CCDC40: variants seen among roughly 807,000 people sequenced by gnomAD.
CCDC40 encodes coiled-coil domain-containing protein 40.
In CCDC40, 104 loss-of-function variants were observed where a neutral mutation model predicts 124.5. The ratio of observed to expected loss-of-function variants is 0.84; its 90% confidence interval spans 0.71 to 0.98. CCDC40 has a LOEUF of 0.98. Ranked by LOEUF, CCDC40 falls within the 50% of genes least tolerant of loss-of-function variation. The pLI, the probability that CCDC40 is intolerant of heterozygous loss-of-function variation, is 0.00. For synonymous variants in CCDC40, 580 were observed against 602.9 expected (o/e 0.96, Z 0.56); for missense variants, 1,463 against 1,503.9 (o/e 0.97, Z 0.45).
chr17:80,052,605 A>G (rs891445075), intron 7 of CCDC40, among the ~76,000 whole-genome samples: 1 of 151,984 alleles, frequency 6.6e-6, no homozygotes, highest in South Asian at 2.1e-4. Flanking sequence ...TCACACCAAA[A>G]TGAGTTACCA....
intron 1 of CCDC40, among the ~76,000 whole-genome samples, chr17:80,037,199 G>A (rs1598470227): frequency 6.6e-6 from 1 of 152,152 alleles, no homozygotes; most frequent in Admixed American, 6.5e-5. Flanking sequence ...GCGATGGGAG[G>A]GGTCCCTGCG....
chr17:80,045,131 T>C (rs2037389433), intron 3 of CCDC40, among the ~76,000 whole-genome samples: 1 of 152,200 alleles, frequency 6.6e-6, no homozygotes, highest in Non-Finnish European at 1.5e-5. Flanking sequence ...CGTGAGACGG[T>C]GCATGGGCTG....
At chr17:80,085,019 C>T (rs373135418) in intron 13 of CCDC40, 31 bp downstream of exon 13, 44 of 1,610,470 alleles carry the variant, frequency 2.7e-5, no homozygotes, top group Admixed American at 5.0e-5. Flanking sequence ...ACGTGGTCCC[C>T]GGCTGACTGT....
chr17:80,040,286 T>C lies in CCDC40; in HGVS notation c.552+16T>C. The C allele has an allele frequency of 6.2e-7, 1 of 1,610,974 alleles. No homozygotes were observed. Among genetic ancestry groups the C allele is most frequent in the South Asian group, 1.1e-5 (1 of 90,702 alleles). ...GGGCAGATTGGTGAGTAGCCCTGAC[T>C]TCTGTTTTGTGCCAGTGTCGCACGG... is the stretch of plus-strand genomic sequence containing the variant. On this transcript the variant is annotated intron_variant, in intron 3 of 19. Coordinates refer to ENST00000397545, the MANE Select transcript of CCDC40 (RefSeq NM_017950.4).
chr17:80,037,720 T>TATATATATATATATATATATATATATATA (rs1555889200), intron 1 of CCDC40, among the ~76,000 whole-genome samples: 3 of 141,490 alleles, frequency 2.1e-5, no homozygotes, highest in East Asian at 2.1e-4. Context: ...TATATATATA[T>TATATATATATATATATATATATATATATA]TCCTGTGCTA....
chr17:80,039,864 G>A lies in CCDC40; in HGVS notation c.146G>A (p.Ser49Asn). The A allele has an allele frequency of 6.2e-7, 1 of 1,613,982 alleles. No individual in the cohort carries two copies. The highest frequency in any genetic ancestry group is 1.1e-5 in the South Asian group (1 of 91,080). ...CAGAAAGGTGAAGAAGCTGTCGGTA[G>A]CACAGAGCATCCTGAGGAAGTCACA... ...DGQKGEEAVG[S>N]TEHPEEVTTQ... is the part of the protein sequence containing the mutation. The change falls in exon 3 of 20, where the codon AGC (serine) becomes AAC (asparagine). Residue 49 changes from serine to asparagine, a missense_variant. Physicochemically the swap from Ser to Asn is conservative, Grantham distance 46. Transcript: ENST00000397545.
At chr17:80,048,859 A>T in intron 5 of CCDC40, 98 bp downstream of exon 5, 1 of 1,084,442 alleles carries the variant, frequency 9.2e-7, no homozygotes, top group Non-Finnish European at 1.4e-6. Flanking sequence ...CTGACCCTAA[A>T]TGCTGTACTT....
At position 80,087,867 on chromosome 17, in the gene CCDC40, T is replaced by G; in HGVS notation, c.2619+91T>G. 1 of 1,355,146 alleles carries G rather than the reference T, an allele frequency of 7.4e-7. No homozygotes were observed. The highest frequency in any genetic ancestry group is 1.7e-5 in the Admixed American group (1 of 59,660). The allele number at this position is 1,355,146 out of a possible 1,614,324, so 83.9% of individuals were successfully genotyped here. Reference sequence around the variant, plus strand: ...TGGGCGTTCTGCACCAGGATGTAATTTCCACACCCGTTCAAGATGCTTGTA... The same window carrying G: ...TGGGCGTTCTGCACCAGGATGTAATGTCCACACCCGTTCAAGATGCTTGTA... On this transcript the variant is annotated intron_variant, in intron 15 of 19. Transcript: ENST00000397545. The surrounding 1 kb of genome is among the most constrained non-coding windows in gnomAD (Gnocchi z 4.5).
chr17:80,088,031 C>G lies in CCDC40; in HGVS notation c.2640C>G (p.Ile880Met). The G allele has an allele frequency of 6.2e-7, 1 of 1,610,940 alleles. No individual in the cohort carries two copies. Among genetic ancestry groups the G allele is most frequent in the Non-Finnish European group, 8.5e-7 (1 of 1,177,554 alleles). ...TGCAGGCCTCTGAGAGGGAGACCATCAAGATGCAGGACAAGCTGAACCAGC... is the reference window on the plus strand; with the variant it reads ...TGCAGGCCTCTGAGAGGGAGACCATGAAGATGCAGGACAAGCTGAACCAGC... ...RSLKASERET[I>M]KMQDKLNQLS... Residue 880 changes from isoleucine to methionine, a missense_variant, in exon 16 of 20, where the codon ATC becomes ATG. Ile to Met is a conservative substitution (Grantham distance 10, BLOSUM62 1). Coordinates refer to ENST00000397545, the MANE Select transcript of CCDC40 (RefSeq NM_017950.4).
intron 13 of CCDC40, 97 bp from the exon 14 acceptor site, chr17:80,085,906 G>A (rs978478568): frequency 1.8e-6 from 2 of 1,126,922 alleles, no homozygotes; most frequent in Admixed American, 1.7e-5. Context: ...CTGACCTCGG[G>A]TGATCCACCC....
intron 3 of CCDC40, among the ~76,000 whole-genome samples, chr17:80,041,882 T>A (rs4640227): frequency 0.99 from 149,997 of 152,258 alleles, 73,925 homozygotes; most frequent in Middle Eastern, 1. Flanking sequence ...TGTTCACTTC[T>A]GTCACCAAAT....
chr17:80,044,035 A>G (rs2143591913), intron 3 of CCDC40, among the ~76,000 whole-genome samples: 1 of 152,188 alleles, frequency 6.6e-6, no homozygotes, highest in African/African-American at 2.4e-5. Context: ...GATGCTTTAT[A>G]CTTCTTAGCA....
chr17:80,096,194 T>C (rs759519931), intron 18 of CCDC40, among the ~76,000 whole-genome samples: 1 of 152,148 alleles, frequency 6.6e-6, no homozygotes, highest in Non-Finnish European at 1.5e-5. Context: ...GGAGGTGGCC[T>C]TGGGGACAGC....
rs757921207 is a variant in CCDC40, at chr17:80,097,431, G to T, written c.3180+28G>T. The T allele has an allele frequency of 2.5e-6, 4 of 1,612,774 alleles. No individual in the cohort carries two copies. The African/African-American group carries it at 4.0e-5, about 16-fold the overall frequency. On this transcript the variant is annotated intron_variant, in intron 19 of 19. Coordinates refer to ENST00000397545, the MANE Select transcript of CCDC40 (RefSeq NM_017950.4). The stretch of plus-strand genomic sequence containing the variant: ...AAACGTGTCCCAGGAGGTCCCTGGG[G>T]ATGACGGCCATGGAACATGCCACTC...
At chr17:80,068,432 T>C (rs2038105556) in intron 10 of CCDC40, among the ~76,000 whole-genome samples, 1 of 152,148 alleles carries the variant, frequency 6.6e-6, no homozygotes, top group Non-Finnish European at 1.5e-5. Context: ...AAGAAGCAAC[T>C]TGGAGACAGG....
chr17:80,057,439 G>A (rs912953036), intron 7 of CCDC40, among the ~76,000 whole-genome samples: 1 of 152,170 alleles, frequency 6.6e-6, no homozygotes, highest in Non-Finnish European at 1.5e-5. Context: ...CTGGCTCCAG[G>A]ATGATATGCG....
chr17:80,064,452 G>A (rs1426515143), intron 9 of CCDC40, among the ~76,000 whole-genome samples: 6 of 152,088 alleles, frequency 3.9e-5, no homozygotes, highest in African/African-American at 9.7e-5. Context: ...GATCCAGGCC[G>A]TGCTGGGCAT....
At position 80,037,688 on chromosome 17, in the gene CCDC40, A is replaced by AT. The variant is rs1555889124; in HGVS notation, c.30-435_30-434insT. On this transcript the variant is annotated intron_variant, in intron 1 of 19. Transcript: ENST00000397545. The stretch of plus-strand genomic sequence containing the variant: ...AGCTTGAATCTTTAATTTTTTAAAA[A>AT]AGATATACATATATATATATATATA... 2.3e-3 allele frequency among the ~76,000 whole-genome samples: 106 copies of AT among 45,710 alleles called. 1 individual carries two copies. The highest frequency in any genetic ancestry group is 0.016 in the Middle Eastern group (1 of 62). The allele number at this position is 45,710 out of a possible 152,430, so 30.0% of individuals were successfully genotyped here. A position where few individuals can be genotyped will look rare whatever the true frequency, so the allele number is the denominator to read the frequency against.
intron 10 of CCDC40, among the ~76,000 whole-genome samples, chr17:80,074,598 A>G (rs1226727315): frequency 6.6e-6 from 1 of 152,204 alleles, no homozygotes; most frequent in Non-Finnish European, 1.5e-5. Context: ...TGGGCAACAT[A>G]GCAAGAGCCT....
Sources: gnomAD v4.1 joint callset for allele counts (sites outside exome capture counted in the v4.1 genomes callset) on GRCh38, gnomAD v4.1.1 for gene constraint, Gnocchi (gnomAD v3.1) non-coding constraint, MANE v1.5 for transcripts, NCBI Gene and HGNC (gene_info 2026-07-23, HGNC 2026-07-21) for gene names.